Variants in IRAK3 observed in about 807,000 individuals in gnomAD.
The protein encoded by IRAK3 is interleukin-1 receptor-associated kinase 3.
Under a neutral mutation model 56.6 loss-of-function variants are expected in IRAK3, and 57 were observed. The observed-to-expected ratio is 1.01, with a 90% CI of 0.81 to 1.26. The LOEUF is 1.26. Among genes scored for constraint, IRAK3 ranks in the 50% most tolerant of loss-of-function variants. The pLI is 0.00. For synonymous variants in IRAK3, 258 were observed against 255.7 expected (o/e 1.01, Z -0.09); for missense variants, 703 against 719.0 (o/e 0.98, Z 0.25).
rs940576854 is a variant in IRAK3 at position 66,226,980 on chromosome 12, T to C, written c.768+143T>C. On this transcript the variant is annotated intron_variant, in intron 7 of 11. Transcript: ENST00000261233. Reference sequence around the variant, plus strand: ...AATGGGTTTCCCAAGGAAGCAGTACTTCTTGGATTAATTTCTTACTTTTAG... The same window carrying C: ...AATGGGTTTCCCAAGGAAGCAGTACCTCTTGGATTAATTTCTTACTTTTAG... The C allele has an allele frequency of 7.3e-6, 5 of 683,714 alleles. No individual in the cohort carries two copies. The African/African-American group carries it at 8.9e-5, about 12-fold the overall frequency. 42.4% of individuals were successfully genotyped at this position (683,714 alleles called of 1,614,324 possible). A position where few individuals can be genotyped will look rare whatever the true frequency, so the allele number is the denominator to read the frequency against.
chr12:66,226,590 A>G, intron 6 of IRAK3, 133 bp from the exon 7 acceptor site: 1 of 691,688 alleles, frequency 1.4e-6, no homozygotes. Context: ...GTCTGTACCC[A>G]ATGTGTCCGG....
intron 8 of IRAK3, chr12:66,234,234 T>C: frequency 6.2e-7 from 1 of 1,613,732 alleles, no homozygotes; most frequent in Non-Finnish European, 8.5e-7. Context: ...GGCATGTATG[T>C]TCCGGTGCTG....
In IRAK3 at chr12:66,217,189, A is replaced by T. The variant is rs966686837; in HGVS notation, c.607A>T (p.Lys203Ter). Residue 203 changes from lysine (K) to a stop codon, truncating the protein, a stop_gained, in exon 6 of 12, where the codon AAG (lysine) becomes TAG (stop). Transcript: ENST00000261233. LOFTEE classifies it high-confidence loss of function. ...LFKQEKKMQC[K>*]KHWKRFLSEL... ...TATGTAGGAGAAAAAAATGCAGTGT[A>T]AGAAGCATTGGAAGAGGTTTTTATC... 1.9e-6 allele frequency: 3 copies of T among 1,610,516 alleles called. No homozygotes were observed. The African/African-American group carries it at 4.0e-5, about 22-fold the overall frequency.
chr12:66,236,522 T>C (rs1436923988), intron 8 of IRAK3, among the ~76,000 whole-genome samples: 2 of 151,552 alleles, frequency 1.3e-5, no homozygotes, highest in Non-Finnish European at 2.9e-5. Flanking sequence ...GAGCTGAAAT[T>C]GCATCACTGC....
chr12:66,211,327 T>C (rs1482442792), intron 4 of IRAK3, 119 bp from the exon 5 acceptor site: 6 of 712,426 alleles, frequency 8.4e-6, no homozygotes, highest in Non-Finnish European at 1.5e-5. Context: ...CTTTGGTTCC[T>C]GGGCCTTTCT....
At chr12:66,220,514 C>CTTCTTTTTTTTT (rs767977181) in intron 6 of IRAK3, among the ~76,000 whole-genome samples, 44 of 67,310 alleles carry the variant, frequency 6.5e-4, no homozygotes, top group African/African-American at 2.2e-3. Context: ...GTTCTTCTTT[C>CTTCTTTTTTTTT]TTTTTTTTTT....
At chr12:66,208,458 G>A (rs1260256552) in intron 2 of IRAK3, among the ~76,000 whole-genome samples, 2 of 152,088 alleles carry the variant, frequency 1.3e-5, no homozygotes, top group African/African-American at 2.4e-5. Flanking sequence ...AAAAATATAT[G>A]TGCAAAAATG....
At chr12:66,230,476 G>A (rs2052833144) in intron 8 of IRAK3, among the ~76,000 whole-genome samples, 1 of 152,198 alleles carries the variant, frequency 6.6e-6, no homozygotes, top group African/African-American at 2.4e-5. Flanking sequence ...CCAGAGGCAG[G>A]CAGGGCACTC....
chr12:66,206,644 C>CAT (rs1168174288), intron 2 of IRAK3, among the ~76,000 whole-genome samples: 4 of 152,138 alleles, frequency 2.6e-5, no homozygotes, highest in African/African-American at 9.7e-5. Flanking sequence ...AGGATTTTTG[C>CAT]ATCTATATTT....
intron 8 of IRAK3, among the ~76,000 whole-genome samples, chr12:66,229,262 A>G (rs2052820022): frequency 1.3e-5 from 2 of 152,188 alleles, no homozygotes; most frequent in Non-Finnish European, 2.9e-5. Context: ...TAGAAGCAAC[A>G]TCTCCCACAT....
intron 6 of IRAK3, among the ~76,000 whole-genome samples, chr12:66,220,193 A>G (rs1325178595): frequency 6.6e-6 from 1 of 152,174 alleles, no homozygotes; most frequent in Non-Finnish European, 1.5e-5. Flanking sequence ...CTTACATTTA[A>G]GTATTTAATC....
At chr12:66,241,693 G>A (rs373217446) in intron 8 of IRAK3, among the ~76,000 whole-genome samples, 2 of 152,166 alleles carry the variant, frequency 1.3e-5, no homozygotes, top group African/African-American at 2.4e-5. Flanking sequence ...GCTGAAAAAC[G>A]ACTTATCTTT....
chr12:66,215,737 G>A lies in IRAK3; in HGVS notation c.589-1434G>A, dbSNP rs149842421. On this transcript the variant is annotated intron_variant, in intron 5 of 11. Coordinates refer to ENST00000261233, the MANE Select transcript of IRAK3 (RefSeq NM_007199.3). ...TAAGGTGGTAAATGAAAGTATGGCC[G>A]GACTTTGCCCTTCTGCTTTTATCTC... 3.3e-3 allele frequency among the ~76,000 whole-genome samples: 473 copies of A among 144,414 alleles called. 8 individuals are homozygous for A. The highest frequency in any genetic ancestry group is 0.011 in the African/African-American group (431 of 37,812). The allele number at this position is 144,414 out of a possible 152,430, so 94.7% of individuals were successfully genotyped here.
chr12:66,204,778 G>GCGCGCGCA (rs1026097833), intron 2 of IRAK3, among the ~76,000 whole-genome samples: 4 of 147,812 alleles, frequency 2.7e-5, no homozygotes, highest in African/African-American at 9.9e-5. Flanking sequence ...GAGCCCTTGC[G>GCGCGCGCA]CACACACACA....
At chr12:66,202,145 G>A (rs1414038944) in intron 1 of IRAK3, among the ~76,000 whole-genome samples, 1 of 152,156 alleles carries the variant, frequency 6.6e-6, no homozygotes, top group Non-Finnish European at 1.5e-5. Flanking sequence ...AATATACCCT[G>A]TGATGTTGGA....
chr12:66,220,520 T>C (rs1275742324), intron 6 of IRAK3, among the ~76,000 whole-genome samples: 1 of 128,456 alleles, frequency 7.8e-6, no homozygotes, highest in Non-Finnish European at 1.7e-5. Context: ...CTTTCTTTTT[T>C]TTTTTTTTTT....
In IRAK3 at chr12:66,233,536, G is replaced by T. The variant is rs143935085; in HGVS notation, c.887+5166G>T. Among the ~76,000 whole-genome samples, 351 of 149,872 alleles carry T rather than the reference G, an allele frequency of 2.3e-3. 2 individuals are homozygous for T. Among genetic ancestry groups the T allele is most frequent in the African/African-American group, 8.3e-3 (342 of 41,272 alleles). On this transcript the variant is annotated intron_variant, in intron 8 of 11. Transcript: ENST00000261233. ...CCGTCTCGGAAAAAAAAAAAGGCCG[G>T]AAAGCTAAGAAGAGAGACACTGACG...
chr12:66,226,388 C>T (rs1164190698), intron 6 of IRAK3, among the ~76,000 whole-genome samples: 3 of 152,054 alleles, frequency 2.0e-5, no homozygotes, highest in Non-Finnish European at 2.9e-5. Context: ...TAACCAGGTG[C>T]TCACCACCAT....
intron 1 of IRAK3, among the ~76,000 whole-genome samples, chr12:66,190,199 ATAACT>A (rs2052386204): frequency 6.6e-6 from 1 of 152,232 alleles, no homozygotes; most frequent in African/African-American, 2.4e-5. Flanking sequence ...TTATGTCAAA[ATAACT>A]TAGCTTTAAT....
Sources: gnomAD v4.1 joint callset for allele counts (sites outside exome capture counted in the v4.1 genomes callset) on GRCh38, gnomAD v4.1.1 for gene constraint, MANE v1.5 for transcripts, NCBI Gene and HGNC (gene_info 2026-07-23, HGNC 2026-07-21) for gene names.